SUGCT: variants seen among roughly 807,000 people sequenced by gnomAD.
SUGCT encodes succinyl-CoA:glutarate-CoA transferase.
A neutral mutation model predicts 55.0 loss-of-function variants in SUGCT; 41 were observed. The observed-to-expected ratio is 0.74, with a 90% CI of 0.58 to 0.97. The LOEUF (loss-of-function observed/expected upper bound fraction) is 0.97, where lower values mean the gene tolerates loss of function less well. Among genes scored for constraint, SUGCT ranks in the 50% least tolerant of loss-of-function variants. The pLI is 0.00. For missense variants in SUGCT, 568 were observed against 547.8 expected, an observed-to-expected ratio of 1.04 and a Z score of -0.37; for synonymous variants, 187 against 200.4, an observed-to-expected ratio of 0.93 and a Z score of 0.56.
At chr7:40,180,867 C>A in intron 1 of SUGCT, 80 bp from the exon 2 acceptor site, 1 of 1,082,482 alleles carries the variant, frequency 9.2e-7, no homozygotes, top group Non-Finnish European at 1.4e-6. Flanking sequence ...TGTGATCTGT[C>A]TCAAGCTTAT....
chr7:40,142,417 A>G (rs1788035218), intron 1 of SUGCT, among the ~76,000 whole-genome samples: 1 of 152,092 alleles, frequency 6.6e-6, no homozygotes, highest in Non-Finnish European at 1.5e-5. Flanking sequence ...TAGTTGTTCT[A>G]CAGATTTTCC....
intron 12 of SUGCT, among the ~76,000 whole-genome samples, chr7:40,735,916 G>A (rs1419658549): frequency 6.6e-6 from 1 of 151,944 alleles, no homozygotes; most frequent in South Asian, 2.1e-4. Context: ...AGAAAATTAA[G>A]TTTAATGTGG....
intron 7 of SUGCT, among the ~76,000 whole-genome samples, chr7:40,251,588 G>A (rs190291104): frequency 3.9e-4 from 59 of 152,254 alleles, no homozygotes; most frequent in African/African-American, 1.1e-3. Flanking sequence ...CCAAGGGTGC[G>A]TCCCACTCCC....
chr7:40,838,914 G>A (rs1793132716), intron 13 of SUGCT, among the ~76,000 whole-genome samples: 1 of 149,370 alleles, frequency 6.7e-6, no homozygotes, highest in Non-Finnish European at 1.5e-5. Flanking sequence ...TGAAGTTGAA[G>A]AAGTGCCCTC....
chr7:40,863,412 ATGT>A (rs1023037838), downstream of SUGCT, among the ~76,000 whole-genome samples: 1 of 152,074 alleles, frequency 6.6e-6, no homozygotes, highest in Non-Finnish European at 1.5e-5. Context: ...TGGGTTTGTC[ATGT>A]TGTATTTTAA....
At chr7:40,447,482 G>A (rs972277281) in intron 9 of SUGCT, among the ~76,000 whole-genome samples, 4 of 152,072 alleles carry the variant, frequency 2.6e-5, no homozygotes, top group African/African-American at 7.2e-5. Flanking sequence ...GTATAGTTCA[G>A]TGTGATAGTA....
At chr7:40,740,516 G>A (rs1014205989) in intron 12 of SUGCT, among the ~76,000 whole-genome samples, 4 of 150,348 alleles carry the variant, frequency 2.7e-5, no homozygotes, top group Non-Finnish European at 5.9e-5. Flanking sequence ...AGACATCCTT[G>A]CCTCATTTTA....
chr7:40,391,084 T>C (rs1785405160), intron 9 of SUGCT, among the ~76,000 whole-genome samples: 1 of 152,120 alleles, frequency 6.6e-6, no homozygotes, highest in Non-Finnish European at 1.5e-5. Context: ...TAGCCATATG[T>C]AGAAAGCTGA....
the SUGCT span, among the ~76,000 whole-genome samples, chr7:40,994,450 C>T: frequency 6.6e-6 from 1 of 152,132 alleles, no homozygotes. Flanking sequence ...TGTTTTCTAA[C>T]TCCTTGACCT....
intron 12 of SUGCT, among the ~76,000 whole-genome samples, chr7:40,627,022 A>G (rs1159219842): frequency 6.6e-6 from 1 of 152,202 alleles, no homozygotes; most frequent in East Asian, 1.9e-4. Context: ...TTTTATGTGC[A>G]TTGCAAAGGT....
chr7:40,491,810 G>A (rs1282025348), intron 11 of SUGCT, among the ~76,000 whole-genome samples: 1 of 152,022 alleles, frequency 6.6e-6, no homozygotes, highest in Non-Finnish European at 1.5e-5. Context: ...GGCAAACATG[G>A]TGTAACCTGT....
At chr7:40,502,873 A>G (rs1792366075) in intron 12 of SUGCT, among the ~76,000 whole-genome samples, 1 of 152,160 alleles carries the variant, frequency 6.6e-6, no homozygotes, top group Admixed American at 6.5e-5. Flanking sequence ...ACTTAATATC[A>G]TCATAGTATT....
At chr7:40,958,070 C>G in the SUGCT span, among the ~76,000 whole-genome samples, 1 of 152,226 alleles carries the variant, frequency 6.6e-6, no homozygotes, top group South Asian at 2.1e-4. Flanking sequence ...GTAACTCAAT[C>G]TTTCTCTCTG....
At chr7:41,001,152 GAAAA>G in the SUGCT span, among the ~76,000 whole-genome samples, 1 of 152,092 alleles carries the variant, frequency 6.6e-6, no homozygotes. Flanking sequence ...TGATGAGTCT[GAAAA>G]CATTACTCAG....
intron 13 of SUGCT, among the ~76,000 whole-genome samples, chr7:40,772,035 G>A (rs1272100602): frequency 2.6e-5 from 4 of 152,122 alleles, no homozygotes; most frequent in Admixed American, 6.5e-5. Context: ...CTGTCTTGGT[G>A]TATGCCTGTT....
chr7:40,153,021 A>T (rs1788662623), intron 1 of SUGCT: 1 of 192,464 alleles, frequency 5.2e-6, no homozygotes, highest in Non-Finnish European at 1.0e-5. Flanking sequence ...TGTTGATTTT[A>T]AGGAACAAAC....
chr7:40,303,159 G>A (rs747974644), intron 8 of SUGCT, among the ~76,000 whole-genome samples: 6 of 151,636 alleles, frequency 4.0e-5, no homozygotes, highest in Admixed American at 3.9e-4. Flanking sequence ...TCAGCCTCCC[G>A]AGTAGCTGGG....
chr7:40,790,562 T>G (rs1790262205), intron 13 of SUGCT, among the ~76,000 whole-genome samples: 1 of 152,206 alleles, frequency 6.6e-6, no homozygotes, highest in Non-Finnish European at 1.5e-5. Flanking sequence ...ATCAAAGAAA[T>G]AATTCCAACA....
the SUGCT span, among the ~76,000 whole-genome samples, chr7:41,032,306 A>G: frequency 6.6e-6 from 1 of 151,544 alleles, no homozygotes; most frequent in African/African-American, 2.4e-5. Flanking sequence ...AATGTCCTAC[A>G]TTTTAAAAAT....
Sources: allele counts gnomAD v4.1 joint callset (sites outside exome capture counted in the v4.1 genomes callset), GRCh38; gene constraint gnomAD v4.1.1; transcripts MANE v1.5; gene names NCBI Gene and HGNC (gene_info 2026-07-23, HGNC 2026-07-21).